JAKMIP3: variants seen among roughly 807,000 people sequenced by gnomAD.
JAKMIP3 encodes the protein janus kinase and microtubule-interacting protein 3.
JAKMIP3 carries 58 observed loss-of-function variants against 118.5 expected under a neutral mutation model. The observed-to-expected ratio is 0.49, with a 90% confidence interval of 0.40 to 0.61. The LOEUF (loss-of-function observed/expected upper bound fraction) is 0.61, where lower values mean the gene tolerates loss of function less well. Ranked by LOEUF, JAKMIP3 falls within the 20% of genes least tolerant of loss-of-function variation. The pLI is 0.00. For synonymous variants in JAKMIP3, 486 were observed against 451.2 expected (o/e 1.08, Z -0.98); for missense variants, 950 against 1,109.0 (o/e 0.86, Z 2.04).
At chr10:132,092,683 A>T (rs2043250317) in intron 1 of JAKMIP3, among the ~76,000 whole-genome samples, 1 of 151,990 alleles carries the variant, frequency 6.6e-6, no homozygotes, top group South Asian at 2.1e-4. Context: ...CTTTTTTTCA[A>T]GGTTTTTAGC....
chr10:132,041,796 C>T (rs1269565149), intron 1 of JAKMIP3, among the ~76,000 whole-genome samples: 1 of 152,260 alleles, frequency 6.6e-6, no homozygotes, highest in Non-Finnish European at 1.5e-5. Context: ...GGGATCCCAC[C>T]TCAGGCCTCT....
At chr10:132,059,215 C>G (rs7899094) in intron 1 of JAKMIP3, among the ~76,000 whole-genome samples, 1,871 of 152,336 alleles carry the variant, frequency 0.012, 31 homozygotes, top group African/African-American at 0.042. Flanking sequence ...CTTTGGACAG[C>G]CTCTGGGTGC....
intron 1 of JAKMIP3, among the ~76,000 whole-genome samples, chr10:132,104,225 G>A: frequency 6.6e-6 from 1 of 151,920 alleles, no homozygotes. Context: ...CGCACTTCTG[G>A]GCATTTCCTG....
chr10:132,143,049 T>C (rs1181646738), intron 11 of JAKMIP3, among the ~76,000 whole-genome samples: 1 of 151,904 alleles, frequency 6.6e-6, no homozygotes, highest in Non-Finnish European at 1.5e-5. Context: ...CGTGGCTGGT[T>C]TCCCTCCTGC....
At chr10:132,050,077 C>G (rs746427490) in intron 1 of JAKMIP3, among the ~76,000 whole-genome samples, 3 of 152,114 alleles carry the variant, frequency 2.0e-5, no homozygotes, top group Admixed American at 6.5e-5. Flanking sequence ...TCTTCCTCTA[C>G]CTGATTGCCA....
At chr10:132,144,987 A>T (rs2054318238) in intron 11 of JAKMIP3, 120 bp from the exon 12 acceptor site, 1 of 745,032 alleles carries the variant, frequency 1.3e-6, no homozygotes, top group African/African-American at 1.8e-5. Flanking sequence ...AGGAAGGGCG[A>T]ACAGTCACTT....
intron 1 of JAKMIP3, among the ~76,000 whole-genome samples, chr10:132,083,966 G>T (rs2042086572): frequency 1.3e-5 from 2 of 152,186 alleles, no homozygotes; most frequent in Non-Finnish European, 2.9e-5. Context: ...ATCAGGTAAT[G>T]TGATTCTTCC....
upstream of JAKMIP3, among the ~76,000 whole-genome samples, chr10:132,061,219 G>GCGCA (rs1303055973): frequency 1.2e-4 from 4 of 33,398 alleles, no homozygotes; most frequent in Admixed American, 1.8e-3. Flanking sequence ...CCGTGACGGC[G>GCGCA]CACACATACA....
intron 1 of JAKMIP3, among the ~76,000 whole-genome samples, chr10:132,088,901 G>A (rs2042756917): frequency 6.6e-6 from 1 of 152,176 alleles, no homozygotes; most frequent in African/African-American, 2.4e-5. Flanking sequence ...GTAAGAAAGG[G>A]ATCCAGTTTC....
At position 132,166,953 on chromosome 10, in the gene JAKMIP3, C is replaced by T. The variant is rs111997168; in HGVS notation, c.2491-30C>T. On this transcript the variant is annotated intron_variant, in intron 21 of 23. Transcript: ENST00000684848. ...ACTCTTTTTTCTCTTTCTTTCCTTCCGTTTCTCCATCCTCCCCTTTCCGTT... is the reference window on the plus strand; with the variant it reads ...ACTCTTTTTTCTCTTTCTTTCCTTCTGTTTCTCCATCCTCCCCTTTCCGTT... 2.0e-4 allele frequency: 292 copies of T among 1,448,050 alleles called. No homozygotes were observed. The African/African-American group carries it at 3.1e-3, about 15-fold the overall frequency. 89.7% of individuals were successfully genotyped at this position (1,448,050 alleles called of 1,614,324 possible).
intron 3 of JAKMIP3, 95 bp from the exon 4 acceptor site, chr10:132,133,217 C>A (rs2135703745): frequency 9.0e-7 from 1 of 1,108,138 alleles, no homozygotes; most frequent in Non-Finnish European, 1.3e-6. Context: ...CTTCCGGTCT[C>A]AGAGCCCAGA....
chr10:132,168,009 G>A lies in JAKMIP3; in HGVS notation c.*79G>A. On this transcript the variant is annotated 3_prime_UTR_variant, in exon 23 of 24. Coordinates refer to ENST00000684848, the MANE Select transcript of JAKMIP3 (RefSeq NM_001323087.2). ...TGGGACCAGAAAGCAGGGACAAAATGGGACGTCGCGTCTCCATCCTGAAGA... is the reference window on the plus strand; with the variant it reads ...TGGGACCAGAAAGCAGGGACAAAATAGGACGTCGCGTCTCCATCCTGAAGA... 1 of 1,289,606 alleles carries A rather than the reference G, an allele frequency of 7.8e-7. No homozygotes were observed. Among genetic ancestry groups the A allele is most frequent in the Non-Finnish European group, 1.0e-6 (1 of 988,856 alleles). 79.9% of individuals were successfully genotyped at this position (1,289,606 alleles called of 1,614,324 possible).
At chr10:132,080,006 C>A (rs185678896) in intron 1 of JAKMIP3, among the ~76,000 whole-genome samples, 3 of 152,164 alleles carry the variant, frequency 2.0e-5, no homozygotes, top group African/African-American at 7.2e-5. Context: ...TTCCAGACCC[C>A]GCTTTCAATT....
At chr10:132,038,728 G>A (rs1197604471) in intron 1 of JAKMIP3, among the ~76,000 whole-genome samples, 1 of 150,636 alleles carries the variant, frequency 6.6e-6, no homozygotes, top group Non-Finnish European at 1.5e-5. Flanking sequence ...GGAGGCAAGA[G>A]GTTGCAATGA....
intron 1 of JAKMIP3, among the ~76,000 whole-genome samples, chr10:132,038,458 T>C (rs2037591145): frequency 6.6e-6 from 1 of 152,084 alleles, no homozygotes; most frequent in African/African-American, 2.4e-5. Flanking sequence ...AACAATAAGC[T>C]AATTTTTAAA....
chr10:132,145,062 C>T (rs1235866275), intron 11 of JAKMIP3, 45 bp from the exon 12 acceptor site: 10 of 1,545,732 alleles, frequency 6.5e-6, no homozygotes, highest in African/African-American at 2.7e-5. Flanking sequence ...CTGTCTGTCC[C>T]AGCTTTTAGA....
chr10:132,106,360 A>AG (rs1313741183), intron 2 of JAKMIP3, among the ~76,000 whole-genome samples: 4 of 131,138 alleles, frequency 3.1e-5, no homozygotes, highest in African/African-American at 1.2e-4. Context: ...AATGATTTAA[A>AG]AAAAAAAACC....
chr10:132,145,150 G>A lies in JAKMIP3; in HGVS notation c.1646G>A (p.Arg549Gln), dbSNP rs200136856. The A allele has an allele frequency of 9.4e-5, 152 of 1,612,426 alleles. 1 individual carries two copies. The East Asian group carries it at 2.7e-3, about 29-fold the overall frequency. The part of the protein sequence containing the change: ...LQAEVQRAQA[R>Q]IEDLEKALAE... ...GCCGAAGTGCAGAGGGCACAGGCGC[G>A]GATAGAGGACCTGGAGAAGGCCCTG... The change falls in exon 12 of 24, where the codon CGG (arginine) becomes CAG (glutamine). Residue 549 changes from arginine (R) to glutamine (Q), a missense_variant. Coordinates refer to ENST00000684848, the MANE Select transcript of JAKMIP3 (RefSeq NM_001323087.2).
chr10:132,138,966 C>T (rs2052498540), intron 9 of JAKMIP3, among the ~76,000 whole-genome samples: 1 of 152,212 alleles, frequency 6.6e-6, no homozygotes, highest in Non-Finnish European at 1.5e-5. Flanking sequence ...CAGTAGAATC[C>T]TTTGTGATAA....
Sources: gnomAD v4.1 joint callset for allele counts (sites outside exome capture counted in the v4.1 genomes callset) on GRCh38, gnomAD v4.1.1 for gene constraint, MANE v1.5 for transcripts, NCBI Gene and HGNC (gene_info 2026-07-23, HGNC 2026-07-21) for gene names.